SORT1: variants seen among roughly 807,000 people sequenced by gnomAD.
SORT1 encodes the protein sortilin.
Under a neutral mutation model 101.7 loss-of-function variants are expected in SORT1, and 39 were observed. The ratio of observed to expected loss-of-function variants is 0.38; its 90% CI spans 0.30 to 0.50. The LOEUF (loss-of-function observed/expected upper bound fraction) is 0.50, where lower values mean the gene tolerates loss of function less well. SORT1 is among the 20% of genes least tolerant of loss of function. SORT1 has a pLI of 0.90. For missense variants in SORT1, 878 were observed against 1,040.4 expected, an observed-to-expected ratio of 0.84 and a Z score of 2.15; for synonymous variants, 396 against 393.7, an observed-to-expected ratio of 1.01 and a Z score of -0.07.
In SORT1 at chr1:109,396,658, A is replaced by G. The variant is rs556927134; in HGVS notation, c.306+929T>C. On this transcript the variant is annotated intron_variant, in intron 1 of 19. Transcript: ENST00000256637. ...GTTACAGAAGGACAAGTGCTGGCACAGAGCCTTGGCCACCCATCTCTGCCC... is the reference window on the plus strand; with the variant it reads ...GTTACAGAAGGACAAGTGCTGGCACGGAGCCTTGGCCACCCATCTCTGCCC... Among the ~76,000 whole-genome samples, 34 of 152,376 alleles carry G rather than the reference A, an allele frequency of 2.2e-4. No individual in the cohort carries two copies. The South Asian group carries it at 7.0e-3, about 32-fold the overall frequency.
Position 109,354,255 on chromosome 1 carries a change from G to A in SORT1, c.708+112C>T, listed in dbSNP as rs941218464. The A allele has an allele frequency of 6.7e-6, 5 of 751,574 alleles. No homozygotes were observed. In the Admixed American group the frequency reaches 8.2e-5, roughly 12 times the overall value. The allele number at this position is 751,574 out of a possible 1,614,324, so 46.6% of individuals were successfully genotyped here. On this transcript the variant is annotated intron_variant, in intron 5 of 19. Coordinates refer to ENST00000256637, the MANE Select transcript of SORT1 (RefSeq NM_002959.7). ...AAAAATACATACTTCATGCCATAAG[G>A]AGACTTGAAAGAAGTCCAATATTAA...
At chr1:109,381,245 T>C (rs781681829) in intron 1 of SORT1, among the ~76,000 whole-genome samples, 5 of 152,172 alleles carry the variant, frequency 3.3e-5, no homozygotes, top group Admixed American at 3.3e-4. Context: ...CTATTGAACA[T>C]TCCCCACATG....
rs1274730628 is a variant in SORT1 at position 109,397,593 on chromosome 1, C to A, written c.300G>T (p.Thr100=). The A allele has an allele frequency of 9.6e-6, 12 of 1,255,888 alleles. No individual in the cohort carries two copies. The allele number at this position is 1,255,888 out of a possible 1,614,324, so 77.8% of individuals were successfully genotyped here. ...GGGCCCGGCGCCCGCTCACCTGGTG[C>A]GTGTTGTTGGCCAGCTTGGCGACGA... is the stretch of plus-strand genomic sequence containing the variant. ...RDFVAKLANN[T]HQHVFDDLRG... Residue 100 remains threonine (T), a synonymous_variant, in exon 1 of 20, where the codon ACG becomes ACT. Coordinates refer to ENST00000256637, the MANE Select transcript of SORT1 (RefSeq NM_002959.7).
intron 17 of SORT1, among the ~76,000 whole-genome samples, chr1:109,315,374 G>A (rs1357833231): frequency 2.6e-5 from 4 of 152,158 alleles, no homozygotes; most frequent in Non-Finnish European, 5.9e-5. Context: ...TCTAGGACAA[G>A]CTGTGTCCCT....
chr1:109,369,414 T>C (rs1039650795), intron 2 of SORT1, 116 bp downstream of exon 2: 2 of 704,532 alleles, frequency 2.8e-6, no homozygotes, highest in African/African-American at 1.8e-5. Context: ...ATGTGTTTTC[T>C]GTGATTGAGG....
intron 4 of SORT1, among the ~76,000 whole-genome samples, chr1:109,355,055 AC>A (rs1650216628): frequency 6.6e-6 from 1 of 151,882 alleles, no homozygotes; most frequent in East Asian, 1.9e-4. Context: ...AAAACCCTCT[AC>A]AAAAAAATAC....
At chr1:109,379,886 T>A (rs551442184) in intron 1 of SORT1, among the ~76,000 whole-genome samples, 148 of 152,028 alleles carry the variant, frequency 9.7e-4, no homozygotes, top group African/African-American at 3.4e-3. Context: ...GGAAAAAAAA[T>A]AAAATAAAAA....
In SORT1 at chr1:109,314,070, T is replaced by G. The variant is rs776969382; in HGVS notation, c.2482-13A>C. 1.4e-5 allele frequency: 22 copies of G among 1,613,908 alleles called. No individual in the cohort carries two copies. The highest frequency in any genetic ancestry group is 1.8e-5 in the Non-Finnish European group (21 of 1,179,892). The stretch of plus-strand genomic sequence containing the variant: ...ATTCCAAGAGGTCCTGAAAAAGACA[T>G]GCACCATATTACCGACAGACCACAA... On this transcript the variant is annotated splice_polypyrimidine_tract_variant and intron_variant, in intron 19 of 19. Transcript: ENST00000256637.
At chr1:109,355,823 G>C (rs1354599736) in intron 3 of SORT1, among the ~76,000 whole-genome samples, 1 of 151,990 alleles carries the variant, frequency 6.6e-6, no homozygotes, top group Non-Finnish European at 1.5e-5. Flanking sequence ...CAGACCAGCA[G>C]TTCTCAATCA....
chr1:109,342,849 G>A (rs1013016461), intron 8 of SORT1, among the ~76,000 whole-genome samples: 2 of 151,844 alleles, frequency 1.3e-5, no homozygotes, highest in Admixed American at 6.6e-5. Flanking sequence ...GCTTAACATC[G>A]CTACTAGATA....
chr1:109,383,413 C>G (rs1238770019), intron 1 of SORT1, among the ~76,000 whole-genome samples: 1 of 152,190 alleles, frequency 6.6e-6, no homozygotes, highest in South Asian at 2.1e-4. Context: ...GTACAGAAAT[C>G]TAAAAATAAA....
At chr1:109,347,411 C>T in intron 7 of SORT1, 72 bp downstream of exon 7, 3 of 1,038,500 alleles carry the variant, frequency 2.9e-6, no homozygotes, top group East Asian at 2.4e-5. Flanking sequence ...ATGTTTCTAC[C>T]TTGCACAACC....
intron 15 of SORT1, among the ~76,000 whole-genome samples, chr1:109,318,875 G>A (rs1192582179): frequency 6.6e-6 from 1 of 152,102 alleles, no homozygotes; most frequent in African/African-American, 2.4e-5. Flanking sequence ...GAACTACTGG[G>A]CTCAAGTGAT....
At chr1:109,397,474 GC>G in intron 1 of SORT1, 112 bp downstream of exon 1, 1 of 715,266 alleles carries the variant, frequency 1.4e-6, no homozygotes, top group Non-Finnish European at 1.7e-6. Context: ...CCCGGGGGAC[GC>G]GGGCGCGGCA....
At position 109,317,970 on chromosome 1, in the gene SORT1, C is replaced by G; in HGVS notation, c.2025-1G>C. 1.3e-6 allele frequency: 2 copies of G among 1,594,796 alleles called. No individual in the cohort carries two copies. Among genetic ancestry groups the G allele is most frequent in the Non-Finnish European group, 1.7e-6 (2 of 1,162,880 alleles). On this transcript the variant is annotated splice_acceptor_variant, in intron 15 of 19. Transcript: ENST00000256637. LOFTEE classifies it high-confidence loss of function. ...TTCTGGACGGTAGTAGCCAAAATCA[C>G]TGCAAGAGTCAGCAAATAAAGTACC... is the stretch of plus-strand genomic sequence containing the variant.
chr1:109,375,743 A>G (rs1368467463), intron 1 of SORT1, among the ~76,000 whole-genome samples: 1 of 152,142 alleles, frequency 6.6e-6, no homozygotes, highest in African/African-American at 2.4e-5. Flanking sequence ...AGATGACATT[A>G]CATACAGAGA....
Position 109,323,123 on chromosome 1 carries a change from T to C in SORT1, c.1835-2A>G. 3 of 1,610,808 alleles carry C rather than the reference T, an allele frequency of 1.9e-6. No homozygotes were observed. Among genetic ancestry groups the C allele is most frequent in the Non-Finnish European group, 2.5e-6 (3 of 1,177,064 alleles). On this transcript the variant is annotated splice_acceptor_variant, in intron 14 of 19. Transcript: ENST00000256637. LOFTEE classifies it high-confidence loss of function. ...ATATGGTATAGTCCTTCTCTTCACCTAAAGGAGAGACACACTGTTCAGGAA... is the reference window on the plus strand; with the variant it reads ...ATATGGTATAGTCCTTCTCTTCACCCAAAGGAGAGACACACTGTTCAGGAA...
chr1:109,359,052 A>G (rs939051737), intron 3 of SORT1, among the ~76,000 whole-genome samples: 6 of 152,218 alleles, frequency 3.9e-5, no homozygotes, highest in Non-Finnish European at 8.8e-5. Context: ...TAGGGCTGCT[A>G]TAAAAGAATA....
intron 1 of SORT1, among the ~76,000 whole-genome samples, chr1:109,385,238 G>C (rs1472845557): frequency 6.6e-6 from 1 of 152,072 alleles, no homozygotes; most frequent in Non-Finnish European, 1.5e-5. Context: ...TTACATTGAC[G>C]ATTAAGTTCC....
Sources: gnomAD v4.1 joint callset for allele counts (sites outside exome capture counted in the v4.1 genomes callset) on GRCh38, gnomAD v4.1.1 for gene constraint, MANE v1.5 for transcripts, NCBI Gene and HGNC (gene_info 2026-07-23, HGNC 2026-07-21) for gene names.